CENPP: variants seen among roughly 807,000 people sequenced by gnomAD.
CENPP encodes centromere protein P.
In CENPP, 24 loss-of-function variants were observed where a neutral mutation model predicts 35.6. The ratio of observed to expected loss-of-function variants is 0.67; its 90% CI spans 0.49 to 0.95. CENPP has a LOEUF of 0.95. Among genes scored for constraint, CENPP ranks in the 40% least tolerant of loss-of-function variants. The pLI, the probability that CENPP is intolerant of heterozygous loss-of-function variation, is 0.00. For synonymous variants in CENPP, 120 were observed against 125.5 expected (o/e 0.96, Z 0.29); for missense variants, 332 against 345.3 (o/e 0.96, Z 0.31).
At chr9:92,535,702 A>G (rs1020573626) in intron 5 of CENPP, among the ~76,000 whole-genome samples, 4 of 152,160 alleles carry the variant, frequency 2.6e-5, no homozygotes, top group Non-Finnish European at 5.9e-5. Context: ...TATTGAACAC[A>G]TAATTCCACC....
At chr9:92,556,528 A>C (rs990378107) in intron 5 of CENPP, among the ~76,000 whole-genome samples, 1 of 152,148 alleles carries the variant, frequency 6.6e-6, no homozygotes, top group African/African-American at 2.4e-5. Context: ...GTTAGGTGCA[A>C]ATATGTTTAG....
At chr9:92,451,373 T>A (rs1281872645) in intron 5 of CENPP, among the ~76,000 whole-genome samples, 1 of 146,180 alleles carries the variant, frequency 6.8e-6, no homozygotes, top group Non-Finnish European at 1.5e-5. Context: ...CCATTGCTTG[T>A]TTTTCTCAGG....
intron 5 of CENPP, among the ~76,000 whole-genome samples, chr9:92,546,396 C>T (rs148660624): frequency 0.021 from 3,202 of 152,336 alleles, 85 homozygotes; most frequent in South Asian, 0.12. Context: ...CTGCTGCTCA[C>T]TCTTTGGGTC....
At chr9:92,568,214 T>C (rs1850044312) in intron 5 of CENPP, among the ~76,000 whole-genome samples, 1 of 152,130 alleles carries the variant, frequency 6.6e-6, no homozygotes, top group South Asian at 2.1e-4. Context: ...TAGGTATATC[T>C]CCTAATGCTA....
intron 5 of CENPP, among the ~76,000 whole-genome samples, chr9:92,508,325 A>G (rs543737586): frequency 6.6e-6 from 1 of 152,294 alleles, no homozygotes; most frequent in South Asian, 2.1e-4. Context: ...CGGACTGTGG[A>G]GAAAGGTGGG....
chr9:92,370,101 TATG>T (rs1222210383), intron 4 of CENPP, among the ~76,000 whole-genome samples: 1 of 152,254 alleles, frequency 6.6e-6, no homozygotes, highest in African/African-American at 2.4e-5. Flanking sequence ...ATCTTGTAGA[TATG>T]ATATATTACA....
At chr9:92,538,105 C>A (rs1175176076) in intron 5 of CENPP, among the ~76,000 whole-genome samples, 1 of 152,134 alleles carries the variant, frequency 6.6e-6, no homozygotes, top group Non-Finnish European at 1.5e-5. Context: ...TGTAGAAACA[C>A]CTCTTTCTGT....
At chr9:92,583,492 C>T (rs2131369037) in intron 5 of CENPP, among the ~76,000 whole-genome samples, 1 of 152,290 alleles carries the variant, frequency 6.6e-6, no homozygotes, top group Middle Eastern at 3.4e-3. Flanking sequence ...TAAATGCTTA[C>T]AGGAATCTTG....
intron 5 of CENPP, among the ~76,000 whole-genome samples, chr9:92,533,073 C>T (rs117429443): frequency 0.04 from 6,042 of 151,324 alleles, 184 homozygotes; most frequent in South Asian, 0.099. Context: ...CCAAGGCTAG[C>T]GGATCACAAG....
At chr9:92,568,245 C>T (rs941058867) in intron 5 of CENPP, among the ~76,000 whole-genome samples, 3 of 151,326 alleles carry the variant, frequency 2.0e-5, no homozygotes, top group African/African-American at 4.9e-5. Context: ...TTCCCCCCAC[C>T]GCACAACAGG....
At chr9:92,508,805 A>T (rs530170206) in intron 5 of CENPP, among the ~76,000 whole-genome samples, 1 of 152,232 alleles carries the variant, frequency 6.6e-6, no homozygotes, top group South Asian at 2.1e-4. Context: ...GAGCTACAGG[A>T]AATAATTGAA....
At position 92,465,854 on chromosome 9, in the gene CENPP, A is replaced by G. The variant is rs1472063560; in HGVS notation, c.564+85995A>G. Among the ~76,000 whole-genome samples the G allele has an allele frequency of 2.0e-5, 3 of 149,192 alleles. No individual in the cohort carries two copies. In the East Asian group the frequency reaches 5.8e-4, roughly 29 times the overall value. On this transcript the variant is annotated intron_variant, in intron 5 of 7. Transcript: ENST00000375587. The stretch of plus-strand genomic sequence containing the variant: ...GGAGGTTCTTTTTTTTTTTTTTGAG[A>G]TGGAGTTTCATTCTGTCACCCAGGC...
chr9:92,386,352 A>T, intron 5 of CENPP: 1 of 1,086,392 alleles, frequency 9.2e-7, no homozygotes, highest in Non-Finnish European at 1.4e-6. Flanking sequence ...CTTTCACAGG[A>T]TTCAAGCAAT....
chr9:92,537,287 A>G (rs1017119970), intron 5 of CENPP, among the ~76,000 whole-genome samples: 1 of 152,188 alleles, frequency 6.6e-6, no homozygotes, highest in African/African-American at 2.4e-5. Flanking sequence ...AATGACCTAG[A>G]TAGACTGAAT....
At chr9:92,427,082 A>G (rs929282405) in intron 5 of CENPP, among the ~76,000 whole-genome samples, 2 of 152,232 alleles carry the variant, frequency 1.3e-5, no homozygotes, top group African/African-American at 4.8e-5. Context: ...GGCACTCAGC[A>G]AAGAAAGGGA....
At position 92,495,763 on chromosome 9, in the gene CENPP, C is replaced by T. The variant is rs192990935; in HGVS notation, c.565-115551C>T. 8 of 941,830 alleles carry T rather than the reference C, an allele frequency of 8.5e-6. No individual in the cohort carries two copies. In the East Asian group the frequency reaches 9.3e-4, roughly 109 times the overall value. The allele number at this position is 941,830 out of a possible 1,614,324, so 58.3% of individuals were successfully genotyped here. A position where few individuals can be genotyped will look rare whatever the true frequency, so the allele number is the denominator to read the frequency against. ...ACATTACAGTAGTGTTTTAATTTTA[C>T]ACATGTAATTAATGGAAGAAATGAA... On this transcript the variant is annotated intron_variant, in intron 5 of 7. Coordinates refer to ENST00000375587, the MANE Select transcript of CENPP (RefSeq NM_001012267.3).
At position 92,579,727 on chromosome 9, in the gene CENPP, T is replaced by C. The variant is rs868208973; in HGVS notation, c.565-31587T>C. Among the ~76,000 whole-genome samples, 61 of 140,258 alleles carry C rather than the reference T, an allele frequency of 4.3e-4. 1 individual carries two copies. The highest frequency in any genetic ancestry group is 1.7e-3 in the African/African-American group (58 of 34,534). The allele number at this position is 140,258 out of a possible 152,430, so 92.0% of individuals were successfully genotyped here. ...CTGAGACAATGGGGTTTTCTAGATA[T>C]ACAATCATGTCATCTGTAAACAGGG... On this transcript the variant is annotated intron_variant, in intron 5 of 7. Coordinates refer to ENST00000375587, the MANE Select transcript of CENPP (RefSeq NM_001012267.3).
intron 1 of CENPP, among the ~76,000 whole-genome samples, chr9:92,329,020 C>G (rs1390301879): frequency 6.6e-6 from 1 of 152,206 alleles, no homozygotes; most frequent in South Asian, 2.1e-4. Flanking sequence ...CTACTAGCCA[C>G]TCTGACAACT....
intron 1 of CENPP, among the ~76,000 whole-genome samples, chr9:92,330,440 G>C (rs2130774585): frequency 6.6e-6 from 1 of 152,282 alleles, no homozygotes; most frequent in South Asian, 2.1e-4. Flanking sequence ...GCAGAAGTAA[G>C]AGTGTTAGGG....
Sources: gnomAD v4.1 joint callset for allele counts (sites outside exome capture counted in the v4.1 genomes callset) on GRCh38, gnomAD v4.1.1 for gene constraint, MANE v1.5 for transcripts, NCBI Gene and HGNC (gene_info 2026-07-23, HGNC 2026-07-21) for gene names.